TECPR2: variants seen among roughly 807,000 people sequenced by gnomAD.
TECPR2 encodes tectonin beta-propeller repeat-containing protein 2.
In TECPR2, 65 loss-of-function variants were observed where a neutral mutation model predicts 138.1. That is an observed-to-expected ratio of 0.47 (90% CI 0.39 to 0.58). The LOEUF (loss-of-function observed/expected upper bound fraction) is 0.58, where lower values mean the gene tolerates loss of function less well. TECPR2 is among the 20% of genes least tolerant of loss of function. The pLI is 0.00. For synonymous variants in TECPR2, 746 were observed against 749.8 expected (o/e 0.99, Z 0.08); for missense variants, 1,553 against 1,824.5 (o/e 0.85, Z 2.71).
chr14:102,498,544 C>G lies in TECPR2; in HGVS notation c.*287C>G. Reference sequence around the variant, plus strand: ...ATTACCCACGTGCTGCCGTCCTGGTCTCATCCACAGATAGCTCCAGCTTTT... The same window carrying G: ...ATTACCCACGTGCTGCCGTCCTGGTGTCATCCACAGATAGCTCCAGCTTTT... On this transcript the variant is annotated 3_prime_UTR_variant, in exon 20 of 20. Transcript: ENST00000359520. 1 of 503,758 alleles carries G rather than the reference C, an allele frequency of 2.0e-6. No homozygotes were observed. The allele number at this position is 503,758 out of a possible 1,614,324, so 31.2% of individuals were successfully genotyped here.
At chr14:102,440,875 A>G (rs1458348391) in intron 11 of TECPR2, among the ~76,000 whole-genome samples, 1 of 152,186 alleles carries the variant, frequency 6.6e-6, no homozygotes, top group Non-Finnish European at 1.5e-5. Flanking sequence ...TTATTCTCCT[A>G]TGGCCAACCA....
rs765453564 is a variant in TECPR2, at chr14:102,440,627, T to A, written c.2752+18T>A. ...GCAGACAGGTAACCGCGGGCCACGC[T>A]TAGAGGCCTGCCAGCTCTGCCGTCA... On this transcript the variant is annotated intron_variant, in intron 11 of 19. Coordinates refer to ENST00000359520, the MANE Select transcript of TECPR2 (RefSeq NM_014844.5). 1 of 1,606,500 alleles carries A rather than the reference T, an allele frequency of 6.2e-7. No individual in the cohort carries two copies. The highest frequency in any genetic ancestry group is 1.1e-5 in the South Asian group (1 of 90,372).
chr14:102,498,022 C>CGCCCATGCTCCCAGCTCCATCTGT, intron 19 of TECPR2, 81 bp from the exon 20 acceptor site: 1 of 1,510,188 alleles, frequency 6.6e-7, no homozygotes, highest in East Asian at 2.3e-5. Flanking sequence ...CCCAGACCTG[C>CGCCCATGCTCCCAGCTCCATCTGT]GCCCAAGCTC....
intron 2 of TECPR2, among the ~76,000 whole-genome samples, chr14:102,402,844 A>C (rs1270937658): frequency 6.6e-6 from 1 of 152,208 alleles, no homozygotes; most frequent in African/African-American, 2.4e-5. Context: ...AACCGTGAAA[A>C]AATAGAATAC....
chr14:102,443,586 CA>C lies in TECPR2; in HGVS notation c.2753-57del. The C allele has an allele frequency of 2.2e-6, 3 of 1,368,148 alleles. No homozygotes were observed. The South Asian group carries it at 6.7e-5, about 30-fold the overall frequency. 84.8% of individuals were successfully genotyped at this position (1,368,148 alleles called of 1,614,324 possible). On this transcript the variant is annotated intron_variant, in intron 11 of 19. Coordinates refer to ENST00000359520, the MANE Select transcript of TECPR2 (RefSeq NM_014844.5). This position sits in a 1 kb window ranked among gnomAD's most constrained non-coding sequence, Gnocchi z 4.9. ...AGGAAAAATAAGCCAATAACCAAGT[CA>C]AAATGAGGTGTGGAGTTCTGACTGT...
At chr14:102,378,761 A>G (rs1887708739) in intron 2 of TECPR2, among the ~76,000 whole-genome samples, 1 of 152,126 alleles carries the variant, frequency 6.6e-6, no homozygotes, top group Admixed American at 6.6e-5. Flanking sequence ...AGCAGCTAGG[A>G]TTACAGGCAC....
In TECPR2 at chr14:102,402,785, C is replaced by A. The variant is rs534440772; in HGVS notation, c.220-4553C>A. 4.8e-4 allele frequency among the ~76,000 whole-genome samples: 73 copies of A among 152,104 alleles called. No individual in the cohort carries two copies. In the South Asian group the frequency reaches 0.015, roughly 31 times the overall value. Reference sequence around the variant, plus strand: ...TGTTGAATACCAACAGATTGGATAACCTAGATGAAATGGACAAACCCCTAG... The same window carrying A: ...TGTTGAATACCAACAGATTGGATAAACTAGATGAAATGGACAAACCCCTAG... On this transcript the variant is annotated intron_variant, in intron 2 of 19. Coordinates refer to ENST00000359520, the MANE Select transcript of TECPR2 (RefSeq NM_014844.5).
At chr14:102,453,086 C>T (rs749060922) in intron 16 of TECPR2, among the ~76,000 whole-genome samples, 3 of 152,210 alleles carry the variant, frequency 2.0e-5, no homozygotes, top group Non-Finnish European at 4.4e-5. Context: ...GCTAGCTCTC[C>T]TTCAGCTCAG....
chr14:102,374,594 T>C (rs1229323624), intron 1 of TECPR2, among the ~76,000 whole-genome samples: 1 of 152,172 alleles, frequency 6.6e-6, no homozygotes, highest in Non-Finnish European at 1.5e-5. Flanking sequence ...AAACCCTCTC[T>C]ATTTTTTAAA....
Position 102,499,238 on chromosome 14 carries a change from T to C in TECPR2, c.*981T>C. The C allele has an allele frequency of 1.5e-6, 1 of 683,040 alleles. No homozygotes were observed. The allele number at this position is 683,040 out of a possible 1,614,324, so 42.3% of individuals were successfully genotyped here. A position where few individuals can be genotyped will look rare whatever the true frequency, so the allele number is the denominator to read the frequency against. On this transcript the variant is annotated 3_prime_UTR_variant, in exon 20 of 20. Coordinates refer to ENST00000359520, the MANE Select transcript of TECPR2 (RefSeq NM_014844.5). ...AGGGTCGCTCACTTAGAAATGTCTTTGGAATGGTGTTTAACTAATGCTGCT... is the reference window on the plus strand; with the variant it reads ...AGGGTCGCTCACTTAGAAATGTCTTCGGAATGGTGTTTAACTAATGCTGCT...
chr14:102,428,488 T>A, intron 7 of TECPR2, 106 bp downstream of exon 7: 2 of 1,541,440 alleles, frequency 1.3e-6, no homozygotes, highest in Non-Finnish European at 1.8e-6. Flanking sequence ...GGGCCAGGCA[T>A]GGTGGCTCAC....
intron 17 of TECPR2, among the ~76,000 whole-genome samples, chr14:102,479,304 T>C (rs1890834585): frequency 6.6e-6 from 1 of 152,176 alleles, no homozygotes; most frequent in East Asian, 1.9e-4. Context: ...GGGAGGACTG[T>C]CTGCTGCTGG....
rs1389057244 is a variant in TECPR2 at position 102,445,083 on chromosome 14, C to T, written c.2934-723C>T. Among the ~76,000 whole-genome samples the T allele has an allele frequency of 2.0e-5, 3 of 152,324 alleles. No homozygotes were observed. The East Asian group carries it at 5.8e-4, about 29-fold the overall frequency. ...TGGGGGCCCCGTGCATGGATGGACA[C>T]CCATTAGCACAGATGGCCCTAAACA... On this transcript the variant is annotated intron_variant, in intron 12 of 19. Coordinates refer to ENST00000359520, the MANE Select transcript of TECPR2 (RefSeq NM_014844.5).
intron 7 of TECPR2, 127 bp downstream of exon 7, chr14:102,428,509 C>A: frequency 1.4e-6 from 2 of 1,434,762 alleles, no homozygotes; most frequent in Non-Finnish European, 9.4e-7. Context: ...GCCTGTAATC[C>A]CAGCACTTTG....
At chr14:102,485,587 C>T (rs1891007376) in intron 17 of TECPR2, among the ~76,000 whole-genome samples, 1 of 152,074 alleles carries the variant, frequency 6.6e-6, no homozygotes, top group South Asian at 2.1e-4. Flanking sequence ...GCAGTCCCCT[C>T]ATCGTGCTTT....
At position 102,419,462 on chromosome 14, in the gene TECPR2, G is replaced by A. The variant is rs3825563; in HGVS notation, c.638+4669G>A. Among the ~76,000 whole-genome samples, 107 of 152,250 alleles carry A rather than the reference G, an allele frequency of 7.0e-4. 2 individuals are homozygous for A. In the East Asian group the frequency reaches 0.019, roughly 27 times the overall value. The stretch of plus-strand genomic sequence containing the variant: ...GTGGCAGCACATTGGTGTGTGACGC[G>A]GGTGCCTGTGGAGGGAACACAGTGC... On this transcript the variant is annotated intron_variant, in intron 5 of 19. Coordinates refer to ENST00000359520, the MANE Select transcript of TECPR2 (RefSeq NM_014844.5). This position sits in a 1 kb window ranked among gnomAD's most constrained non-coding sequence, Gnocchi z 4.8.
chr14:102,421,736 T>C (rs561799215), intron 5 of TECPR2, among the ~76,000 whole-genome samples: 3 of 152,318 alleles, frequency 2.0e-5, no homozygotes, highest in African/African-American at 7.2e-5. Context: ...TGCATGTAAG[T>C]AATCTCATTA....
At chr14:102,414,968 A>G (rs1888984388) in intron 5 of TECPR2, among the ~76,000 whole-genome samples, 175 bp downstream of exon 5, 1 of 152,148 alleles carries the variant, frequency 6.6e-6, no homozygotes, top group African/African-American at 2.4e-5. Flanking sequence ...CTCCTCCCAG[A>G]GGCAGACAAG....
At position 102,445,813 on chromosome 14, in the gene TECPR2, C is replaced by A. The variant is rs62000389; in HGVS notation, c.2941C>A (p.Gln981Lys). The A allele has an allele frequency of 0.019, 31,190 of 1,613,582 alleles. 361 individuals carry two copies. Among genetic ancestry groups the A allele is most frequent in the Middle Eastern group, 0.03 (179 of 6,054 alleles). The change falls in exon 13 of 20, where the codon CAA (glutamine) becomes AAA (lysine). Residue 981 changes from glutamine to lysine, a missense_variant. By Grantham distance (53) the Gln-to-Lys change is moderately conservative (BLOSUM62 1). Transcript: ENST00000359520. Reference protein sequence around the residue: ...QWKCDIVSERQALEPVCITLG... With the variant: ...QWKCDIVSERKALEPVCITLG... ...TCTCCTCCTTATTTTCAGCGAAAGG[C>A]AAGCTTTAGAACCCGTCTGCATAAC...
Sources: gnomAD v4.1 joint callset for allele counts (sites outside exome capture counted in the v4.1 genomes callset) on GRCh38, gnomAD v4.1.1 for gene constraint, Gnocchi (gnomAD v3.1) non-coding constraint, MANE v1.5 for transcripts, NCBI Gene and HGNC (gene_info 2026-07-23, HGNC 2026-07-21) for gene names.